CCSER1: variants seen among roughly 807,000 people sequenced by gnomAD.
CCSER1 encodes the protein coiled-coil serine rich protein 1, also known as serine-rich coiled-coil domain-containing protein 1.
Under a neutral mutation model 82.0 loss-of-function variants are expected in CCSER1, and 41 were observed. The observed-to-expected ratio is 0.50, with a 90% CI of 0.39 to 0.65. The LOEUF (loss-of-function observed/expected upper bound fraction) is 0.65, where lower values mean the gene tolerates loss of function less well. CCSER1 is among the 30% of genes least tolerant of loss of function. The pLI is 0.00. For missense variants in CCSER1, 1,119 were observed against 1,064.2 expected, an observed-to-expected ratio of 1.05 and a Z score of -0.72; for synonymous variants, 414 against 383.9, an observed-to-expected ratio of 1.08 and a Z score of -0.92.
chr4:90,893,488 A>C (rs940949480), intron 8 of CCSER1, among the ~76,000 whole-genome samples: 2 of 152,056 alleles, frequency 1.3e-5, no homozygotes, highest in Admixed American at 1.3e-4. Flanking sequence ...GATTGTCCAA[A>C]AACAAGGAGA....
intron 3 of CCSER1, among the ~76,000 whole-genome samples, chr4:90,314,368 A>G (rs1735798857): frequency 6.6e-6 from 1 of 152,188 alleles, no homozygotes; most frequent in Non-Finnish European, 1.5e-5. Flanking sequence ...ATGCACCATT[A>G]AAAGTTAGGA....
intron 1 of CCSER1, among the ~76,000 whole-genome samples, chr4:90,223,384 T>C (rs1742532885): frequency 6.6e-6 from 1 of 152,214 alleles, no homozygotes; most frequent in Non-Finnish European, 1.5e-5. Flanking sequence ...TGGAAATTAC[T>C]AACCCTTCAT....
At position 90,399,757 on chromosome 4, in the gene CCSER1, G is replaced by C. The variant is rs1219834137; in HGVS notation, c.1510-279G>C. 2.6e-5 allele frequency among the ~76,000 whole-genome samples: 4 copies of C among 151,744 alleles called. No individual in the cohort carries two copies. The East Asian group carries it at 7.7e-4, about 29-fold the overall frequency. ...TAATATCTTTCATATCTGCCCATAT[G>C]TACTTCCATTTAATTATAAGTTACA... On this transcript the variant is annotated intron_variant, in intron 3 of 10. Transcript: ENST00000509176.
intron 10 of CCSER1, among the ~76,000 whole-genome samples, chr4:91,319,992 G>A (rs78916946): frequency 0.081 from 12,267 of 151,996 alleles, 707 homozygotes; most frequent in East Asian, 0.19. Context: ...GTCCTGTTCC[G>A]TCTAGCCTGA....
intron 1 of CCSER1, among the ~76,000 whole-genome samples, chr4:90,267,788 C>T (rs968908954): frequency 6.6e-6 from 1 of 152,140 alleles, no homozygotes; most frequent in Non-Finnish European, 1.5e-5. Context: ...TTGGGTACCC[C>T]CTAATGCAGA....
chr4:90,826,695 T>A (rs1028129341), intron 8 of CCSER1, among the ~76,000 whole-genome samples: 2 of 152,224 alleles, frequency 1.3e-5, no homozygotes, highest in Non-Finnish European at 2.9e-5. Flanking sequence ...AAAATCTGTC[T>A]GACTCCACGC....
chr4:90,967,213 C>T (rs147471460), intron 9 of CCSER1, among the ~76,000 whole-genome samples: 60 of 151,788 alleles, frequency 4.0e-4, no homozygotes, highest in African/African-American at 1.4e-3. Flanking sequence ...TTTGGGAGGC[C>T]GAGGTGGGAA....
intron 8 of CCSER1, among the ~76,000 whole-genome samples, chr4:90,894,865 C>G (rs1023551185): frequency 6.6e-6 from 1 of 151,862 alleles, no homozygotes; most frequent in Non-Finnish European, 1.5e-5. Flanking sequence ...ATGGGAAGTT[C>G]AATTTAATTG....
chr4:90,879,541 AAAGAAGAAGAAGAGG>A (rs199660570), intron 8 of CCSER1, among the ~76,000 whole-genome samples: 97,443 of 130,846 alleles, frequency 0.74, 35,195 homozygotes, highest in East Asian at 0.92. Flanking sequence ...GAAGAAGAAG[AAAGAAGAAGAAGAGG>A]AAGAAGAAGA....
At chr4:91,114,725 C>T (rs1028572183) in intron 10 of CCSER1, among the ~76,000 whole-genome samples, 1 of 152,214 alleles carries the variant, frequency 6.6e-6, no homozygotes, top group African/African-American at 2.4e-5. Context: ...TTATATTTTA[C>T]AGCTTCTCTT....
Position 91,445,063 on chromosome 4 carries a change from T to C in CCSER1, c.2218-153509T>C, listed in dbSNP as rs531506112. Among the ~76,000 whole-genome samples, 4 of 152,330 alleles carry C rather than the reference T, an allele frequency of 2.6e-5. No homozygotes were observed. In the East Asian group the frequency reaches 5.8e-4, roughly 22 times the overall value. On this transcript the variant is annotated intron_variant, in intron 10 of 10. Coordinates refer to ENST00000509176, the MANE Select transcript of CCSER1 (RefSeq NM_001145065.2). ...AAAGATGTTCCTGAAAATGTGAGTA[T>C]AAATTCTTTAAAAACTATTTTTTCC...
chr4:91,165,110 G>T (rs1216767318), intron 10 of CCSER1, among the ~76,000 whole-genome samples: 2 of 152,144 alleles, frequency 1.3e-5, no homozygotes, highest in African/African-American at 2.4e-5. Flanking sequence ...CTACAGATGT[G>T]GTTTTGGTTC....
At position 90,932,987 on chromosome 4, in the gene CCSER1, A is replaced by C. The variant is rs1350854754; in HGVS notation, c.2172+9540A>C. The stretch of plus-strand genomic sequence containing the variant: ...GAAAGAAAGAAAGAAAGAAAGAGAA[A>C]GAAAGAAAGAAAGAAAGAAAGAAAG... On this transcript the variant is annotated intron_variant, in intron 9 of 10. Transcript: ENST00000509176. 1.1e-4 allele frequency among the ~76,000 whole-genome samples: 3 copies of C among 26,130 alleles called. 1 individual carries two copies. Among genetic ancestry groups the C allele is most frequent in the African/African-American group, 5.7e-4 (3 of 5,254 alleles). The allele number at this position is 26,130 out of a possible 152,430, so 17.1% of individuals were successfully genotyped here.
intron 10 of CCSER1, among the ~76,000 whole-genome samples, chr4:91,550,815 A>G (rs1002636527): frequency 2.0e-5 from 3 of 152,190 alleles, no homozygotes; most frequent in Admixed American, 6.5e-5. Flanking sequence ...GTTTTCAGTA[A>G]TAAATTCTCT....
chr4:90,909,181 T>C (rs1399205331), intron 8 of CCSER1, among the ~76,000 whole-genome samples: 1 of 152,222 alleles, frequency 6.6e-6, no homozygotes, highest in Non-Finnish European at 1.5e-5. Context: ...TCTGTGTAGC[T>C]GTGTCCAAAT....
chr4:90,239,453 T>C (rs1224609593), intron 1 of CCSER1, among the ~76,000 whole-genome samples: 2 of 152,226 alleles, frequency 1.3e-5, no homozygotes, highest in Non-Finnish European at 2.9e-5. Context: ...ACTCATTTAC[T>C]TGATACTGTA....
intron 8 of CCSER1, among the ~76,000 whole-genome samples, chr4:90,828,227 A>C (rs1760713745): frequency 6.6e-6 from 1 of 152,200 alleles, no homozygotes; most frequent in South Asian, 2.1e-4. Context: ...TAGCATACCA[A>C]AGTGGCATAT....
At chr4:91,287,278 C>T (rs1451989954) in intron 10 of CCSER1, among the ~76,000 whole-genome samples, 2 of 151,906 alleles carry the variant, frequency 1.3e-5, no homozygotes, top group Non-Finnish European at 2.9e-5. Context: ...TAATAAGTGT[C>T]TGTAAGAACA....
At chr4:91,536,202 C>G (rs759697849) in intron 10 of CCSER1, among the ~76,000 whole-genome samples, 3 of 152,060 alleles carry the variant, frequency 2.0e-5, no homozygotes, top group Non-Finnish European at 4.4e-5. Context: ...TATACCTACT[C>G]ATGCATAACA....
Sources: gnomAD v4.1 joint callset for allele counts (sites outside exome capture counted in the v4.1 genomes callset) on GRCh38, gnomAD v4.1.1 for gene constraint, MANE v1.5 for transcripts, NCBI Gene and HGNC (gene_info 2026-07-23, HGNC 2026-07-21) for gene names.